LIMA1: variants seen among roughly 807,000 people sequenced by gnomAD.
The protein encoded by LIMA1 is LIM domain and actin binding 1.
A neutral mutation model predicts 62.6 loss-of-function variants in LIMA1; 52 were observed. That is an observed-to-expected ratio of 0.83 (90% CI 0.67 to 1.05). LIMA1 has a LOEUF of 1.05. Among genes scored for constraint, LIMA1 ranks in the 50% least tolerant of loss-of-function variants. The pLI, the probability that LIMA1 is intolerant of heterozygous loss-of-function variation, is 0.00. For missense variants in LIMA1, 780 were observed against 902.2 expected (o/e 0.86, Z 1.74); for synonymous variants, 302 against 317.8 (o/e 0.95, Z 0.53).
chr12:50,208,681 A>G (rs1168894625), intron 4 of LIMA1, among the ~76,000 whole-genome samples: 2 of 152,008 alleles, frequency 1.3e-5, no homozygotes, highest in African/African-American at 2.4e-5. Context: ...AATATATTAT[A>G]TACATATTAC....
At chr12:50,231,754 T>G (rs755800342) in intron 2 of LIMA1, 44 bp from the exon 3 acceptor site, 12 of 1,559,004 alleles carry the variant, frequency 7.7e-6, no homozygotes, top group Non-Finnish European at 1.1e-5. Flanking sequence ...TAAACTTATA[T>G]TTTTACTCTT....
In LIMA1 at chr12:50,181,889, T is replaced by G. The variant is rs1940510482; in HGVS notation, c.1274+15A>C. 4 of 1,613,906 alleles carry G rather than the reference T, an allele frequency of 2.5e-6. No individual in the cohort carries two copies. In the African/African-American group the frequency reaches 5.3e-5, roughly 22 times the overall value. On this transcript the variant is annotated intron_variant, in intron 10 of 10. Coordinates refer to ENST00000341247, the MANE Select transcript of LIMA1 (RefSeq NM_016357.5). ...TTCCAGTTATAGACAGATGGCTTGT[T>G]TTGGGCTGACTTACCTGAGTTTGTT...
intron 1 of LIMA1, among the ~76,000 whole-genome samples, chr12:50,264,779 A>T (rs1413133808): frequency 6.6e-6 from 1 of 152,190 alleles, no homozygotes; most frequent in Non-Finnish European, 1.5e-5. Context: ...AGGTTCAGAT[A>T]CTAGAACTCC....
intron 1 of LIMA1, among the ~76,000 whole-genome samples, chr12:50,259,935 T>C (rs1167531681): frequency 6.6e-6 from 1 of 152,178 alleles, no homozygotes; most frequent in African/African-American, 2.4e-5. Context: ...AATGAGGCTG[T>C]GTAATTGAGA....
chr12:50,252,536 G>A (rs1941943328), intron 1 of LIMA1, among the ~76,000 whole-genome samples: 1 of 138,106 alleles, frequency 7.2e-6, no homozygotes. Context: ...AGCCGAGATT[G>A]CACCACTGTA....
chr12:50,224,195 A>G (rs984145574), intron 3 of LIMA1: 1 of 152,230 alleles, frequency 6.6e-6, no homozygotes, highest in Non-Finnish European at 1.5e-5. Flanking sequence ...ACTAAGAAAG[A>G]AAGGACAAAC....
At position 50,278,483 on chromosome 12, in the gene LIMA1, A is replaced by G. The variant is rs964264880; in HGVS notation, c.-24+4937T>C. ...GGCCGCACTAAGATGGGCACTCACA[A>G]TCACTGCAGTTGAGAATGTTAATTA... On this transcript the variant is annotated intron_variant, in intron 1 of 10. Transcript: ENST00000341247. 4.6e-5 allele frequency among the ~76,000 whole-genome samples: 7 copies of G among 152,176 alleles called. No homozygotes were observed. In the East Asian group the frequency reaches 1.2e-3, roughly 25 times the overall value.
chr12:50,274,918 C>A (rs777712543), intron 1 of LIMA1, among the ~76,000 whole-genome samples: 1 of 152,096 alleles, frequency 6.6e-6, no homozygotes, highest in East Asian at 1.9e-4. Flanking sequence ...GAGAAGCATG[C>A]GATGACACAG....
At chr12:50,198,986 C>G (rs1388937574) in intron 7 of LIMA1, among the ~76,000 whole-genome samples, 2 of 152,174 alleles carry the variant, frequency 1.3e-5, no homozygotes, top group Non-Finnish European at 2.9e-5. Context: ...CTCCTTCCAC[C>G]TGTCTCTCAC....
At chr12:50,282,605 T>C (rs946069374) in intron 1 of LIMA1, among the ~76,000 whole-genome samples, 1 of 152,214 alleles carries the variant, frequency 6.6e-6, no homozygotes, top group Non-Finnish European at 1.5e-5. Flanking sequence ...GCTCAAGCGA[T>C]CCTCCCGCCT....
chr12:50,282,283 C>T lies in LIMA1; in HGVS notation c.-24+1137G>A, dbSNP rs560112895. On this transcript the variant is annotated intron_variant, in intron 1 of 10. Transcript: ENST00000341247. ...AAGGATTGGTGTTATTTCATGGCTC[C>T]TGAAATATTTAGCATTTGTGAATAG... 2.0e-5 allele frequency among the ~76,000 whole-genome samples: 3 copies of T among 152,170 alleles called. No individual in the cohort carries two copies. The East Asian group carries it at 5.8e-4, about 29-fold the overall frequency.
chr12:50,271,679 C>T (rs781310932), intron 1 of LIMA1, among the ~76,000 whole-genome samples: 4 of 152,188 alleles, frequency 2.6e-5, no homozygotes, highest in East Asian at 1.9e-4. Flanking sequence ...AAGACCATCA[C>T]GACAAAGCAC....
At chr12:50,274,312 G>A (rs1174888101) in intron 1 of LIMA1, among the ~76,000 whole-genome samples, 2 of 152,200 alleles carry the variant, frequency 1.3e-5, no homozygotes, top group African/African-American at 2.4e-5. Context: ...AAGGCCGAGC[G>A]CGATGGCTCA....
chr12:50,180,669 C>G (rs766243357), intron 10 of LIMA1, among the ~76,000 whole-genome samples: 1 of 152,138 alleles, frequency 6.6e-6, no homozygotes, highest in Non-Finnish European at 1.5e-5. Flanking sequence ...TCCCTAATGT[C>G]AGTCCTAGAC....
intron 1 of LIMA1, among the ~76,000 whole-genome samples, chr12:50,275,652 A>G (rs980450900): frequency 1.1e-4 from 17 of 152,164 alleles, no homozygotes; most frequent in African/African-American, 4.1e-4. Flanking sequence ...CTTAAGGAAA[A>G]GGATTTCAAC....
intron 1 of LIMA1, among the ~76,000 whole-genome samples, chr12:50,260,681 G>A (rs1942055136): frequency 1.3e-5 from 2 of 152,078 alleles, no homozygotes; most frequent in Admixed American, 6.5e-5. Flanking sequence ...GTTAAAAGGA[G>A]AACTTACAGG....
At chr12:50,262,800 C>G in intron 1 of LIMA1, among the ~76,000 whole-genome samples, 1 of 152,076 alleles carries the variant, frequency 6.6e-6, no homozygotes, top group Non-Finnish European at 1.5e-5. Context: ...GCCTGGGCAA[C>G]AGAGCAAGAC....
chr12:50,192,391 G>A (rs897598189), intron 9 of LIMA1, 61 bp downstream of exon 9: 1 of 1,118,478 alleles, frequency 8.9e-7, no homozygotes. Flanking sequence ...ATCATAAAAG[G>A]TACAATTAGC....
At chr12:50,235,893 G>A (rs867671138) in intron 2 of LIMA1, among the ~76,000 whole-genome samples, 19 of 152,224 alleles carry the variant, frequency 1.2e-4, no homozygotes, top group African/African-American at 3.1e-4. Flanking sequence ...GGCTGGGTGC[G>A]GTGTCTCATG....
Sources: allele counts gnomAD v4.1 joint callset (sites outside exome capture counted in the v4.1 genomes callset), GRCh38; gene constraint gnomAD v4.1.1; transcripts MANE v1.5; gene names NCBI Gene and HGNC (gene_info 2026-07-23, HGNC 2026-07-21).